Variants in BRWD1 observed in about 807,000 individuals in gnomAD.
BRWD1 encodes the protein bromodomain and WD repeat-containing protein 1.
BRWD1 carries 82 observed loss-of-function variants against 251.2 expected under a neutral mutation model. The ratio of observed to expected loss-of-function variants is 0.33; its 90% CI spans 0.27 to 0.39. The LOEUF (loss-of-function observed/expected upper bound fraction) is 0.39, where lower values mean the gene tolerates loss of function less well. Ranked by LOEUF, BRWD1 falls within the 10% of genes least tolerant of loss-of-function variation. The pLI is 1.00. For missense variants in BRWD1, 2,233 were observed against 2,711.6 expected, an observed-to-expected ratio of 0.82 and a Z score of 3.92; for synonymous variants, 918 against 902.8, an observed-to-expected ratio of 1.02 and a Z score of -0.30.
At chr21:39,248,047 G>T (rs2034257746) in intron 20 of BRWD1, among the ~76,000 whole-genome samples, 1 of 152,072 alleles carries the variant, frequency 6.6e-6, no homozygotes, top group Non-Finnish European at 1.5e-5. Flanking sequence ...CATTAGATGG[G>T]CATTTTCCAA....
In BRWD1 at chr21:39,199,238, C is replaced by T; in HGVS notation, c.5178G>A (p.Leu1726=). 1.1e-5 allele frequency: 17 copies of T among 1,614,190 alleles called. No homozygotes were observed. The highest frequency in any genetic ancestry group is 1.4e-5 in the Non-Finnish European group (16 of 1,180,032). The change falls in exon 40 of 41, where the codon TTG becomes TTA. Residue 1726 remains leucine (L), a synonymous_variant. Transcript: ENST00000342449. ...ENRDSESESD[L]RVARKNWHAN... ...CATGCCAATTTTTCCGGGCTACCCG[C>T]AAATCACTTTCTGACTCTGAGTCTC...
intron 20 of BRWD1, among the ~76,000 whole-genome samples, chr21:39,250,344 T>C (rs1377640921): frequency 6.6e-6 from 1 of 151,676 alleles, no homozygotes; most frequent in Non-Finnish European, 1.5e-5. Context: ...AACAAAAATA[T>C]GATGATAAAA....
chr21:39,201,407 G>A (rs1039194115), intron 38 of BRWD1, among the ~76,000 whole-genome samples: 4 of 152,144 alleles, frequency 2.6e-5, no homozygotes, highest in African/African-American at 7.2e-5. Context: ...CACTCAATAA[G>A]GAACCCAGTT....
At chr21:39,301,057 T>TA in intron 4 of BRWD1, among the ~76,000 whole-genome samples, 1 of 151,840 alleles carries the variant, frequency 6.6e-6, no homozygotes, top group African/African-American at 2.4e-5. Flanking sequence ...CAGGTGCCTG[T>TA]AGTCCCAGCT....
At chr21:39,184,726 T>A (rs1313816907), downstream of BRWD1, 3 of 152,198 alleles carry the variant, frequency 2.0e-5, no homozygotes, top group Non-Finnish European at 4.4e-5. Flanking sequence ...AATTTGAACA[T>A]TTAGCAATAA....
At chr21:39,223,597 T>C (rs1295540791) in intron 29 of BRWD1, among the ~76,000 whole-genome samples, 1 of 152,068 alleles carries the variant, frequency 6.6e-6, no homozygotes, top group African/African-American at 2.4e-5. Flanking sequence ...AGGAGGAAAT[T>C]AAAATTGTTG....
intron 29 of BRWD1, 32 bp from the exon 30 acceptor site, chr21:39,218,692 G>C: frequency 6.7e-7 from 1 of 1,484,806 alleles, no homozygotes; most frequent in Non-Finnish European, 9.0e-7. Flanking sequence ...ATGAGAGGAA[G>C]AAAAAAACAC....
At chr21:39,264,801 C>CT in intron 16 of BRWD1, 90 bp downstream of exon 16, 1 of 1,542,608 alleles carries the variant, frequency 6.5e-7, no homozygotes, top group Non-Finnish European at 8.8e-7. Context: ...CTCAGCTAAA[C>CT]TGTTTCCAAA....
At chr21:39,315,959 A>G (rs947871596), upstream of BRWD1, 1 of 152,224 alleles carries the variant, frequency 6.6e-6, no homozygotes, top group African/African-American at 2.4e-5. Flanking sequence ...ACAGAGGGCC[A>G]AGACATGAAT....
chr21:39,237,386 T>G (rs950727251), intron 22 of BRWD1, among the ~76,000 whole-genome samples: 3 of 152,206 alleles, frequency 2.0e-5, no homozygotes, highest in African/African-American at 7.2e-5. Flanking sequence ...AACTAGTCCC[T>G]GGTCCACTAC....
rs2031798444 is a variant in BRWD1, at chr21:39,196,143, A to G, written c.*116T>C. ...GATTTAGTCACATTCATAACTTTTC[A>G]TAGAAAAATATAAATATATTCCCTG... On this transcript the variant is annotated 3_prime_UTR_variant, in exon 41 of 41. Coordinates refer to ENST00000342449, the MANE Select transcript of BRWD1 (RefSeq NM_033656.4). 1 of 1,458,308 alleles carries G rather than the reference A, an allele frequency of 6.9e-7. No homozygotes were observed. The highest frequency in any genetic ancestry group is 1.5e-5 in the South Asian group (1 of 64,904). 90.3% of individuals were successfully genotyped at this position (1,458,308 alleles called of 1,614,324 possible).
In BRWD1 at chr21:39,196,560, C is replaced by A; in HGVS notation, c.6509G>T (p.Cys2170Phe). Residue 2170 changes from cysteine to phenylalanine, a missense_variant, in exon 41 of 41, where the codon TGT becomes TTT. Coordinates refer to ENST00000342449, the MANE Select transcript of BRWD1 (RefSeq NM_033656.4). ...CCTTTTGGTTTTTGTATTATCAGTA[C>A]AGTCAATATCTGATTCAGTTACAGA... Reference protein sequence around the residue: ...LGSVTESDIDCTDNTKTKRRK... With the variant: ...LGSVTESDIDFTDNTKTKRRK... The A allele has an allele frequency of 6.2e-7, 1 of 1,613,474 alleles. No individual in the cohort carries two copies. The highest frequency in any genetic ancestry group is 8.5e-7 in the Non-Finnish European group (1 of 1,179,746).
rs1203311578 is a variant in BRWD1, at chr21:39,187,921, T to C, written c.*8338A>G. On this transcript the variant is annotated 3_prime_UTR_variant, in exon 41 of 41. Coordinates refer to ENST00000342449, the MANE Select transcript of BRWD1 (RefSeq NM_033656.4). ...CAAGGAAGGCTTCCTTTAAGGAAGC[T>C]TTTAGACGAGAGGTGAAAATTGTGA... The C allele has an allele frequency of 8.2e-6, 8 of 980,956 alleles. No individual in the cohort carries two copies. The African/African-American group carries it at 1.4e-4, about 17-fold the overall frequency. 60.8% of individuals were successfully genotyped at this position (980,956 alleles called of 1,614,324 possible).
chr21:39,317,788 C>T (rs2036713215), upstream of BRWD1, among the ~76,000 whole-genome samples: 1 of 152,228 alleles, frequency 6.6e-6, no homozygotes, highest in Non-Finnish European at 1.5e-5. Flanking sequence ...TAGTGGCTCT[C>T]GTCTGTGCTA....
rs1241244962 is a variant in BRWD1 at position 39,313,055 on chromosome 21, G to C, written c.138+17C>G. 14 of 1,394,636 alleles carry C rather than the reference G, an allele frequency of 1.0e-5. No individual in the cohort carries two copies. The highest frequency in any genetic ancestry group is 4.7e-5 in the South Asian group (3 of 64,064). The allele number at this position is 1,394,636 out of a possible 1,614,324, so 86.4% of individuals were successfully genotyped here. On this transcript the variant is annotated intron_variant, in intron 3 of 40. Coordinates refer to ENST00000342449, the MANE Select transcript of BRWD1 (RefSeq NM_033656.4). ...CAGGAGGAACCCGAGGGAGCGCGGG[G>C]ACGGGCGCGCACAGACCTGGTACTG...
intron 17 of BRWD1, among the ~76,000 whole-genome samples, chr21:39,262,709 GT>G (rs2034795102): frequency 1.3e-5 from 2 of 151,764 alleles, no homozygotes; most frequent in African/African-American, 4.8e-5. Flanking sequence ...GCAAGACTCC[GT>G]CTCAAAAAGA....
At chr21:39,205,163 A>T (rs2032326891) in intron 37 of BRWD1, among the ~76,000 whole-genome samples, 1 of 152,188 alleles carries the variant, frequency 6.6e-6, no homozygotes, top group Admixed American at 6.5e-5. Flanking sequence ...TAAATAACAC[A>T]GTCTTAAATT....
In BRWD1 at chr21:39,189,467, A is replaced by C. The variant is rs920563372; in HGVS notation, c.*6792T>G. On this transcript the variant is annotated 3_prime_UTR_variant, in exon 41 of 41. Transcript: ENST00000342449. Reference sequence around the variant, plus strand: ...TATTTGTCATCCAGAATAATGGAAAAGTTAAGATTCTGCAGGAAAAAAAAA... The same window carrying C: ...TATTTGTCATCCAGAATAATGGAAACGTTAAGATTCTGCAGGAAAAAAAAA... 4 of 973,888 alleles carry C rather than the reference A, an allele frequency of 4.1e-6. No homozygotes were observed. The East Asian group carries it at 4.6e-4, about 111-fold the overall frequency. 60.3% of individuals were successfully genotyped at this position (973,888 alleles called of 1,614,324 possible). A position where few individuals can be genotyped will look rare whatever the true frequency, so the allele number is the denominator to read the frequency against.
At chr21:39,278,877 AT>A (rs767993557) in intron 9 of BRWD1, 64 bp from the exon 10 acceptor site, 5 of 1,215,230 alleles carry the variant, frequency 4.1e-6, no homozygotes, top group Non-Finnish European at 4.6e-6. Flanking sequence ...AGCTTAAAAT[AT>A]TAGTTTTAAT....
Sources: allele counts gnomAD v4.1 joint callset (sites outside exome capture counted in the v4.1 genomes callset), GRCh38; gene constraint gnomAD v4.1.1; transcripts MANE v1.5; gene names NCBI Gene and HGNC (gene_info 2026-07-23, HGNC 2026-07-21).